The following FGF12 variants were observed in gnomAD, a reference collection of about 807,000 sequenced individuals.
FGF12 encodes fibroblast growth factor 12, also known as fibroblast growth factor 12B.
Under a neutral mutation model 23.6 loss-of-function variants are expected in FGF12, and 14 were observed. That is an observed-to-expected ratio of 0.59 (90% CI 0.39 to 0.93). FGF12 has a LOEUF of 0.93. Among genes scored for constraint, FGF12 ranks in the 40% least tolerant of loss-of-function variants. FGF12 has a pLI of 0.00. For synonymous variants in FGF12, 62 were observed against 77.3 expected, an observed-to-expected ratio of 0.80 and a Z score of 1.04; for missense variants, 175 against 217.8, an observed-to-expected ratio of 0.80 and a Z score of 1.24.
chr3:192,499,610 C>T (rs1455627037), intron 2 of FGF12, among the ~76,000 whole-genome samples: 1 of 137,748 alleles, frequency 7.3e-6, no homozygotes, highest in Non-Finnish European at 1.5e-5. Context: ...TGGCTCACTG[C>T]AAGCTCCACC....
At chr3:192,244,172 T>G (rs1719766991) in intron 4 of FGF12, among the ~76,000 whole-genome samples, 1 of 152,158 alleles carries the variant, frequency 6.6e-6, no homozygotes, top group Admixed American at 6.5e-5. Flanking sequence ...TCTAGCAAAC[T>G]TACAAATATT....
intron 2 of FGF12, among the ~76,000 whole-genome samples, chr3:192,641,402 G>A (rs192358318): frequency 0.36 from 14,813 of 41,508 alleles, 5,168 homozygotes; most frequent in Non-Finnish European, 0.54. Flanking sequence ...ACCGCGCCCG[G>A]CCTTTTTTTT....
At chr3:192,567,218 T>A (rs1376050497) in intron 2 of FGF12, among the ~76,000 whole-genome samples, 1 of 152,096 alleles carries the variant, frequency 6.6e-6, no homozygotes, top group African/African-American at 2.4e-5. Flanking sequence ...TAGGATATGA[T>A]CTGGGGAAAT....
At chr3:192,186,479 A>G (rs74361914) in intron 4 of FGF12, among the ~76,000 whole-genome samples, 3,388 of 152,332 alleles carry the variant, frequency 0.022, 136 homozygotes, top group African/African-American at 0.077. Flanking sequence ...AAAGAAGGCT[A>G]TCTACTTCCT....
intron 2 of FGF12, among the ~76,000 whole-genome samples, chr3:192,382,169 T>C (rs1199645719): frequency 6.6e-6 from 1 of 152,118 alleles, no homozygotes; most frequent in African/African-American, 2.4e-5. Context: ...GCTAATTTTT[T>C]GTATTTTTCG....
chr3:192,389,656 C>T (rs1037404154), intron 2 of FGF12, among the ~76,000 whole-genome samples: 6 of 152,200 alleles, frequency 3.9e-5, no homozygotes, highest in Admixed American at 6.5e-5. Flanking sequence ...TGATACAAAA[C>T]GCTAATAAAA....
chr3:192,577,180 T>C (rs1235686927), intron 2 of FGF12, among the ~76,000 whole-genome samples: 1 of 152,160 alleles, frequency 6.6e-6, no homozygotes, highest in East Asian at 1.9e-4. Flanking sequence ...ATTCTGCACA[T>C]GTATCCCAGA....
At chr3:192,495,359 T>TA (rs1373755530) in intron 2 of FGF12, among the ~76,000 whole-genome samples, 1 of 152,152 alleles carries the variant, frequency 6.6e-6, no homozygotes, top group African/African-American at 2.4e-5. Flanking sequence ...GCATCACAAG[T>TA]AGTAGAATAT....
At position 192,664,612 on chromosome 3, in the gene FGF12, A is replaced by AAAAAAAAAAAAAAAAC. The variant is rs1716793411; in HGVS notation, c.13+62568_13+62569insGTTTTTTTTTTTTTTT. ...AAAAATACAAAAAAAATACAAAAAA[A>AAAAAAAAAAAAAAAAC]AAAAAAAGCTGGGCATGGTGGCATG... is the stretch of plus-strand genomic sequence containing the variant. On this transcript the variant is annotated intron_variant, in intron 2 of 5. Transcript: ENST00000445105. Among the ~76,000 whole-genome samples the AAAAAAAAAAAAAAAAC allele has an allele frequency of 1.4e-5, 2 of 147,036 alleles. 1 individual carries two copies. Among genetic ancestry groups the AAAAAAAAAAAAAAAAC allele is most frequent in the Non-Finnish European group, 3.0e-5 (2 of 66,448 alleles).
chr3:192,311,719 C>A lies in FGF12; in HGVS notation c.228+23642G>T, dbSNP rs1043716700. Among the ~76,000 whole-genome samples the A allele has an allele frequency of 6.6e-5, 10 of 152,272 alleles. 2 individuals carry two copies. Among genetic ancestry groups the A allele is most frequent in the Non-Finnish European group, 2.9e-5 (2 of 68,022 alleles). On this transcript the variant is annotated intron_variant, in intron 4 of 5. Transcript: ENST00000445105. ...CTGTGTTTAATCTTTTGAGAAACTG[C>A]CAGACTGTCTTACAAAATGCCTGCA...
chr3:192,258,912 T>A (rs928789332), intron 4 of FGF12, among the ~76,000 whole-genome samples: 5 of 152,346 alleles, frequency 3.3e-5, no homozygotes, highest in Middle Eastern at 3.4e-3. Context: ...TTTTATTAAA[T>A]GTATGTGTGA....
intron 4 of FGF12, among the ~76,000 whole-genome samples, chr3:192,208,914 C>T (rs1717791016): frequency 6.6e-6 from 1 of 152,216 alleles, no homozygotes; most frequent in Non-Finnish European, 1.5e-5. Flanking sequence ...GTAGTACCTT[C>T]AGTTGAACTA....
At chr3:192,439,794 G>C (rs1460453389) in intron 2 of FGF12, among the ~76,000 whole-genome samples, 1 of 152,036 alleles carries the variant, frequency 6.6e-6, no homozygotes, top group African/African-American at 2.4e-5. Flanking sequence ...GGCAAAGATG[G>C]TGAAACCCCG....
chr3:192,426,267 T>C (rs1191313764), intron 2 of FGF12, among the ~76,000 whole-genome samples: 1 of 152,194 alleles, frequency 6.6e-6, no homozygotes, highest in Non-Finnish European at 1.5e-5. Context: ...TGGTCTGCTT[T>C]AGCTCTGATA....
At chr3:192,495,893 G>A (rs1244009868) in intron 2 of FGF12, among the ~76,000 whole-genome samples, 1 of 151,978 alleles carries the variant, frequency 6.6e-6, no homozygotes, top group African/African-American at 2.4e-5. Flanking sequence ...GAACTCCTGG[G>A]CTCCAGCAAT....
At position 192,423,297 on chromosome 3, in the gene FGF12, T is replaced by C. The variant is rs536266629; in HGVS notation, c.14-62759A>G. Among the ~76,000 whole-genome samples the C allele has an allele frequency of 5.3e-5, 8 of 152,298 alleles. No individual in the cohort carries two copies. The South Asian group carries it at 1.7e-3, about 32-fold the overall frequency. On this transcript the variant is annotated intron_variant, in intron 2 of 5. Transcript: ENST00000445105. ...ATGTGTGAGTGTTTTAGAAATTATA[T>C]TGGCATAAAATACCAACCTCTGATT...
chr3:192,568,218 A>C (rs970456333), intron 2 of FGF12, among the ~76,000 whole-genome samples: 2 of 152,178 alleles, frequency 1.3e-5, no homozygotes, highest in Non-Finnish European at 2.9e-5. Context: ...GCAGAACTAC[A>C]TCTGCAAAGA....
chr3:192,394,588 T>C (rs1332418561), intron 2 of FGF12, among the ~76,000 whole-genome samples: 1 of 152,160 alleles, frequency 6.6e-6, no homozygotes, highest in Non-Finnish European at 1.5e-5. Context: ...AGTAACCCTT[T>C]CATGCTGAAA....
intron 4 of FGF12, among the ~76,000 whole-genome samples, chr3:192,317,672 G>A (rs1484581610): frequency 6.6e-6 from 1 of 152,160 alleles, no homozygotes; most frequent in African/African-American, 2.4e-5. Context: ...CTGCCTTGAA[G>A]GGAGCAAGCC....
Sources: allele counts gnomAD v4.1 joint callset (sites outside exome capture counted in the v4.1 genomes callset), GRCh38; gene constraint gnomAD v4.1.1; transcripts MANE v1.5; gene names NCBI Gene and HGNC (gene_info 2026-07-23, HGNC 2026-07-21).